NPRL3: variants seen among roughly 807,000 people sequenced by gnomAD.
The protein encoded by NPRL3 is GATOR1 complex protein NPRL3.
Under a neutral mutation model 57.2 loss-of-function variants are expected in NPRL3, and 23 were observed. The ratio of observed to expected loss-of-function variants is 0.40; its 90% CI spans 0.29 to 0.57. The LOEUF (loss-of-function observed/expected upper bound fraction) is 0.57, where lower values mean the gene tolerates loss of function less well. Ranked by LOEUF, NPRL3 falls within the 20% of genes least tolerant of loss-of-function variation. The probability of loss-of-function intolerance (pLI) is 0.42; values close to 1 mark genes in which losing one functional copy is unlikely to be tolerated. For synonymous variants in NPRL3, 333 were observed against 321.1 expected (o/e 1.04, Z -0.39); for missense variants, 691 against 767.1 (o/e 0.90, Z 1.17).
chr16:124,176 C>T (rs998012387), intron 3 of NPRL3, among the ~76,000 whole-genome samples: 3 of 152,274 alleles, frequency 2.0e-5, no homozygotes, highest in East Asian at 1.9e-4. Flanking sequence ...CCACGCTCAA[C>T]GCTTACCATG....
At chr16:135,342 A>C (rs1901021085) in intron 2 of NPRL3, among the ~76,000 whole-genome samples, 1 of 152,132 alleles carries the variant, frequency 6.6e-6, no homozygotes, top group South Asian at 2.1e-4. Context: ...TGCCAAGACA[A>C]ACACATTTAA....
chr16:134,782 A>C (rs1347379599), intron 2 of NPRL3, among the ~76,000 whole-genome samples: 2 of 144,912 alleles, frequency 1.4e-5, no homozygotes, highest in Non-Finnish European at 3.0e-5. Context: ...GCTCACTGCA[A>C]GCTCCGCCTC....
intron 2 of NPRL3, among the ~76,000 whole-genome samples, chr16:135,028 C>A (rs1901004167): frequency 6.6e-6 from 1 of 152,118 alleles, no homozygotes; most frequent in African/African-American, 2.4e-5. Flanking sequence ...ATGGAACCTA[C>A]ACATAGATCA....
intron 9 of NPRL3, among the ~76,000 whole-genome samples, chr16:94,783 C>A (rs148182328): frequency 6.6e-6 from 1 of 152,124 alleles, no homozygotes; most frequent in Admixed American, 6.5e-5. Flanking sequence ...TGTTCCCTCA[C>A]CCCACGTGCC....
At chr16:128,641 G>A (rs1900652030) in intron 3 of NPRL3, among the ~76,000 whole-genome samples, 2 of 152,210 alleles carry the variant, frequency 1.3e-5, no homozygotes, top group African/African-American at 2.4e-5. Context: ...GGTGGCAGTC[G>A]CCTGTAGTCC....
chr16:86,431 T>C lies in NPRL3; in HGVS notation c.*274A>G. On this transcript the variant is annotated 3_prime_UTR_variant, in exon 14 of 14. Transcript: ENST00000611875. The stretch of plus-strand genomic sequence containing the variant: ...CGGCCTCACCCAGAGACAGGAGTCC[T>C]GGCAGGCCCCCCTCCAGCGTGGAGA... The C allele has an allele frequency of 1.3e-5, 6 of 447,608 alleles. No homozygotes were observed. Among genetic ancestry groups the C allele is most frequent in the Admixed American group, 3.5e-5 (1 of 28,316 alleles). The allele number at this position is 447,608 out of a possible 1,614,324, so 27.7% of individuals were successfully genotyped here.
At chr16:125,454 G>C (rs928438391) in intron 3 of NPRL3, among the ~76,000 whole-genome samples, 16 of 152,210 alleles carry the variant, frequency 1.1e-4, no homozygotes, top group Non-Finnish European at 2.2e-4. Context: ...TCCATTTCCT[G>C]ACAGGAGCAT....
chr16:120,114 G>A (rs908819890), intron 3 of NPRL3, among the ~76,000 whole-genome samples: 3 of 152,204 alleles, frequency 2.0e-5, no homozygotes, highest in East Asian at 1.9e-4. Context: ...CCAGGGCTCT[G>A]AGGGCCTCCG....
At chr16:87,528 T>G (rs1898533719) in intron 13 of NPRL3, among the ~76,000 whole-genome samples, 1 of 116,630 alleles carries the variant, frequency 8.6e-6, no homozygotes, top group Admixed American at 1.0e-4. Context: ...TGAGCCACTG[T>G]GCCCAGCCTG....
rs74475619 is a variant in NPRL3 at position 87,719 on chromosome 16, G to A, written c.1545-849C>T. 1.5e-4 allele frequency among the ~76,000 whole-genome samples: 22 copies of A among 151,402 alleles called. No individual in the cohort carries two copies. The East Asian group carries it at 2.6e-3, about 18-fold the overall frequency. On this transcript the variant is annotated intron_variant, in intron 13 of 13. Coordinates refer to ENST00000611875, the MANE Select transcript of NPRL3 (RefSeq NM_001077350.3). ...CCAGTAGCTGGGACTACAGGCGCCC[G>A]CCACCACACCCAGCTAATTTTTTGT...
intron 7 of NPRL3, among the ~76,000 whole-genome samples, chr16:103,329 G>C (rs1899390792): frequency 7.7e-5 from 1 of 12,982 alleles, no homozygotes; most frequent in African/African-American, 3.4e-4. Flanking sequence ...TTTTTTTGTA[G>C]AGACAGGGTC....
intron 3 of NPRL3, among the ~76,000 whole-genome samples, chr16:124,721 T>C (rs1306492630): frequency 6.6e-6 from 1 of 152,206 alleles, no homozygotes; most frequent in Non-Finnish European, 1.5e-5. Flanking sequence ...TCCATATATA[T>C]TTGTCAGAAA....
At chr16:108,969 C>CT (rs951008371) in intron 7 of NPRL3, among the ~76,000 whole-genome samples, 42 of 148,268 alleles carry the variant, frequency 2.8e-4, no homozygotes, top group Admixed American at 1.6e-3. Context: ...CGCGCCCGGC[C>CT]TTTTTTTTTT....
At chr16:106,333 A>AATAC in intron 7 of NPRL3, among the ~76,000 whole-genome samples, 1 of 151,694 alleles carries the variant, frequency 6.6e-6, no homozygotes, top group Middle Eastern at 3.4e-3. Flanking sequence ...TAAATAAATA[A>AATAC]ATAAAATAGC....
In NPRL3 at chr16:111,316, C is replaced by T. The variant is rs969028965; in HGVS notation, c.548-710G>A. ...TCGGGAGGCTGAGGCAGAAGAATGGCGTGAACCCAGGAGATGGAGCTTGCA... is the reference window on the plus strand; with the variant it reads ...TCGGGAGGCTGAGGCAGAAGAATGGTGTGAACCCAGGAGATGGAGCTTGCA... On this transcript the variant is annotated intron_variant, in intron 6 of 13. Transcript: ENST00000611875. Among the ~76,000 whole-genome samples, 7 of 151,984 alleles carry T rather than the reference C, an allele frequency of 4.6e-5. 1 individual carries two copies. The highest frequency in any genetic ancestry group is 2.0e-4 in the Admixed American group (3 of 15,270).
rs562981765 is a variant in NPRL3 at position 119,105 on chromosome 16, C to T, written c.318+21G>A. On this transcript the variant is annotated intron_variant, in intron 4 of 13. Transcript: ENST00000611875. ...CCACATCTGCCCAGGGAGAGCCCCA[C>T]CTGCCCAGGGAGAGCCATACCTGCC... 11 of 1,612,072 alleles carry T rather than the reference C, an allele frequency of 6.8e-6. No individual in the cohort carries two copies. The South Asian group carries it at 7.7e-5, about 11-fold the overall frequency.
In NPRL3 at chr16:90,169, G is replaced by A. The variant is rs1898703634; in HGVS notation, c.1162-267C>T. The A allele has an allele frequency of 2.7e-5, 12 of 450,882 alleles. No homozygotes were observed. The South Asian group carries it at 3.5e-4, about 13-fold the overall frequency. 27.9% of individuals were successfully genotyped at this position (450,882 alleles called of 1,614,324 possible). On this transcript the variant is annotated intron_variant, in intron 11 of 13. Coordinates refer to ENST00000611875, the MANE Select transcript of NPRL3 (RefSeq NM_001077350.3). ...CACACACCGGGGCCACCCAGCATCTGGCTGAGGAGCAGGACCTGAGACGTG... is the reference window on the plus strand; with the variant it reads ...CACACACCGGGGCCACCCAGCATCTAGCTGAGGAGCAGGACCTGAGACGTG...
At chr16:109,258 C>G (rs148404563) in intron 7 of NPRL3, among the ~76,000 whole-genome samples, 12 of 152,312 alleles carry the variant, frequency 7.9e-5, no homozygotes, top group Non-Finnish European at 1.3e-4. Context: ...TGAGTCACCA[C>G]GCCCGGCCTG....
At chr16:133,377 C>G (rs1900903132) in intron 2 of NPRL3, among the ~76,000 whole-genome samples, 1 of 152,090 alleles carries the variant, frequency 6.6e-6, no homozygotes, top group African/African-American at 2.4e-5. Context: ...AGGCATGGGC[C>G]AACACGCCCA....
Sources: allele counts gnomAD v4.1 joint callset (sites outside exome capture counted in the v4.1 genomes callset), GRCh38; gene constraint gnomAD v4.1.1; transcripts MANE v1.5; gene names NCBI Gene and HGNC (gene_info 2026-07-23, HGNC 2026-07-21).